The following STARD10 variants were observed in gnomAD, a reference collection of about 807,000 sequenced individuals.
The protein encoded by STARD10 is StAR related lipid transfer domain containing 10, also known as START domain-containing protein 10.
STARD10 carries 24 observed loss-of-function variants against 36.0 expected under a neutral mutation model. The ratio of observed to expected loss-of-function variants is 0.67; its 90% confidence interval spans 0.48 to 0.94. The LOEUF is 0.94. Ranked by LOEUF, STARD10 falls within the 40% of genes least tolerant of loss-of-function variation. The pLI, the probability that STARD10 is intolerant of heterozygous loss-of-function variation, is 0.00. For missense variants in STARD10, 335 were observed against 396.6 expected (o/e 0.84, Z 1.32); for synonymous variants, 156 against 161.9 (o/e 0.96, Z 0.28).
chr11:72,781,430 G>A lies in STARD10; in HGVS notation c.-113-136C>T. ...GGGCGGACGGGCGCTGGACAGCCTC[G>A]GGGTCCCCCTCCCGAGGAGCGCCCC... is the stretch of plus-strand genomic sequence containing the variant. On this transcript the variant is annotated intron_variant, in intron 1 of 6. Coordinates refer to ENST00000334805, the MANE Select transcript of STARD10 (RefSeq NM_006645.3). The surrounding 1 kb of genome is among the most constrained non-coding windows in gnomAD (Gnocchi z 4.7). The A allele has an allele frequency of 1.9e-6, 1 of 530,770 alleles. No homozygotes were observed. Among genetic ancestry groups the A allele is most frequent in the Non-Finnish European group, 3.4e-6 (1 of 292,942 alleles). 32.9% of individuals were successfully genotyped at this position (530,770 alleles called of 1,614,324 possible).
intron 1 of STARD10, among the ~76,000 whole-genome samples, chr11:72,783,051 C>T (rs1368263006): frequency 6.6e-6 from 1 of 152,172 alleles, no homozygotes; most frequent in Non-Finnish European, 1.5e-5. Context: ...CTCCTAGCCT[C>T]ACCAGCCTAG....
At position 72,758,629 on chromosome 11, in the gene STARD10, C is replaced by A. The variant is rs1378020579; in HGVS notation, c.360G>T (p.Arg120Ser). The A allele has an allele frequency of 4.3e-6, 7 of 1,612,706 alleles. No individual in the cohort carries two copies. The highest frequency in any genetic ancestry group is 5.9e-6 in the Non-Finnish European group (7 of 1,179,252). ...VNADVGYYSW[R>S]CPKPLKNRDV... ...CACGGTTCTTCAGGGGCTTGGGACA[C>A]CTCCCTGTGGGGGGCAAGGGACAGT... The change falls in exon 4 of 7, where the codon AGG becomes AGT. Residue 120 changes from arginine (R) to serine (S), a missense_variant. By Grantham distance (110) the Arg-to-Ser change is moderately radical (BLOSUM62 -1). Transcript: ENST00000334805.
intron 2 of STARD10, among the ~76,000 whole-genome samples, chr11:72,765,254 A>G (rs1199338507): frequency 6.6e-6 from 1 of 152,174 alleles, no homozygotes; most frequent in Non-Finnish European, 1.5e-5. Flanking sequence ...CAACAACAGC[A>G]AAACTCTGTC....
At chr11:72,767,953 C>G (rs1394189096) in intron 2 of STARD10, among the ~76,000 whole-genome samples, 1 of 152,228 alleles carries the variant, frequency 6.6e-6, no homozygotes, top group African/African-American at 2.4e-5. Flanking sequence ...CAGCAACTTT[C>G]CCTGATTTCT....
intron 2 of STARD10, among the ~76,000 whole-genome samples, chr11:72,775,014 G>A (rs1301339995): frequency 1.3e-5 from 2 of 152,228 alleles, no homozygotes; most frequent in Non-Finnish European, 2.9e-5. Context: ...CCTGGGGGCT[G>A]AGGGCTTCTC....
intron 2 of STARD10, among the ~76,000 whole-genome samples, chr11:72,777,632 G>A (rs1342606253): frequency 6.6e-6 from 1 of 152,244 alleles, no homozygotes; most frequent in African/African-American, 2.4e-5. Context: ...CTCTTTTCCA[G>A]TATTCAGAGC....
chr11:72,764,376 C>T (rs188428903), intron 2 of STARD10, among the ~76,000 whole-genome samples: 166 of 152,352 alleles, frequency 1.1e-3, no homozygotes, highest in African/African-American at 3.6e-3. Flanking sequence ...AGTTGCTCAG[C>T]GTAAACTCTG....
At chr11:72,755,953 C>G in intron 5 of STARD10, 200 bp from the exon 6 acceptor site, 1 of 518,956 alleles carries the variant, frequency 1.9e-6, no homozygotes, top group Non-Finnish European at 3.4e-6. Context: ...GCTCTGTCCC[C>G]CACTTTCCCT....
chr11:72,767,758 T>C (rs894738227), intron 2 of STARD10, among the ~76,000 whole-genome samples: 1 of 152,210 alleles, frequency 6.6e-6, no homozygotes, highest in Non-Finnish European at 1.5e-5. Flanking sequence ...TCCATCTGTG[T>C]CAGACAGACC....
At chr11:72,780,727 G>C in intron 2 of STARD10, 1 of 554,636 alleles carries the variant, frequency 1.8e-6, no homozygotes, top group Non-Finnish European at 3.3e-6. Flanking sequence ...ACAGGCAGGG[G>C]CATGCAGAAG....
chr11:72,782,835 G>T (rs1004860220), intron 1 of STARD10, among the ~76,000 whole-genome samples: 4 of 152,150 alleles, frequency 2.6e-5, no homozygotes, highest in Admixed American at 2.0e-4. Context: ...GGTGAGTGTG[G>T]CAGTCTGTCG....
intron 1 of STARD10, among the ~76,000 whole-genome samples, chr11:72,783,846 T>C (rs1208285735): frequency 6.6e-6 from 1 of 152,022 alleles, no homozygotes; most frequent in Non-Finnish European, 1.5e-5. Flanking sequence ...TTCCCCACCC[T>C]AGAGAGCTGC....
At position 72,766,612 on chromosome 11, in the gene STARD10, C is replaced by G. The variant is rs925976771; in HGVS notation, c.208-7231G>C. The stretch of plus-strand genomic sequence containing the variant: ...CCAAGCTGTATCTCACTCTACCCCC[C>G]ACCTCTCTCCCGCCCCCTGACTGTG... On this transcript the variant is annotated intron_variant, in intron 2 of 6. Coordinates refer to ENST00000334805, the MANE Select transcript of STARD10 (RefSeq NM_006645.3). Among the ~76,000 whole-genome samples, 4 of 152,236 alleles carry G rather than the reference C, an allele frequency of 2.6e-5. No individual in the cohort carries two copies. The South Asian group carries it at 6.2e-4, about 24-fold the overall frequency.
chr11:72,791,865 G>GTGTTTTGTTT (rs751462554), intron 1 of STARD10, among the ~76,000 whole-genome samples: 16 of 151,724 alleles, frequency 1.1e-4, no homozygotes, highest in African/African-American at 3.9e-4. Context: ...TTTTGTTGTT[G>GTGTTTTGTTT]TGTTTTGTTT....
chr11:72,780,661 G>A (rs1449490653), intron 2 of STARD10: 1 of 438,870 alleles, frequency 2.3e-6, no homozygotes, highest in African/African-American at 2.0e-5. Context: ...CAGCAGAGGG[G>A]TCCCTGAGGG....
intron 2 of STARD10, among the ~76,000 whole-genome samples, chr11:72,767,189 C>A (rs564199472): frequency 6.6e-6 from 1 of 152,170 alleles, no homozygotes; most frequent in African/African-American, 2.4e-5. Context: ...CCCTGAACAA[C>A]AGCCCCAACC....
intron 2 of STARD10, among the ~76,000 whole-genome samples, chr11:72,760,946 C>T (rs1858707777): frequency 6.6e-6 from 1 of 152,104 alleles, no homozygotes; most frequent in African/African-American, 2.4e-5. Flanking sequence ...CAAGGGAACC[C>T]TCACATAATA....
At chr11:72,764,008 A>G (rs1858753522) in intron 2 of STARD10, among the ~76,000 whole-genome samples, 1 of 152,208 alleles carries the variant, frequency 6.6e-6, no homozygotes, top group South Asian at 2.1e-4. Context: ...ACCATCAAAG[A>G]GCACTCAAGC....
chr11:72,760,058 G>A (rs1041183414), intron 2 of STARD10, among the ~76,000 whole-genome samples: 1 of 149,716 alleles, frequency 6.7e-6, no homozygotes, highest in Non-Finnish European at 1.5e-5. Flanking sequence ...TTACAGGCAC[G>A]TGCCCAGCTA....
Sources: gnomAD v4.1 joint callset for allele counts (sites outside exome capture counted in the v4.1 genomes callset) on GRCh38, gnomAD v4.1.1 for gene constraint, Gnocchi (gnomAD v3.1) non-coding constraint, MANE v1.5 for transcripts, NCBI Gene and HGNC (gene_info 2026-07-23, HGNC 2026-07-21) for gene names.